TFEC: variants seen among roughly 807,000 people sequenced by gnomAD.
TFEC encodes class E basic helix-loop-helix protein 34.
In TFEC, 31 loss-of-function variants were observed where a neutral mutation model predicts 41.6. The observed-to-expected ratio is 0.74, with a 90% CI of 0.56 to 1.01. The LOEUF (loss-of-function observed/expected upper bound fraction) is 1.01. TFEC is among the 50% of genes least tolerant of loss of function. TFEC has a pLI of 0.00. For synonymous variants in TFEC, 143 were observed against 140.6 expected, an observed-to-expected ratio of 1.02 and a Z score of -0.12; for missense variants, 402 against 404.1, an observed-to-expected ratio of 0.99 and a Z score of 0.04.
At chr7:115,993,777 T>C (rs1794232089) in intron 1 of TFEC, among the ~76,000 whole-genome samples, 1 of 152,138 alleles carries the variant, frequency 6.6e-6, no homozygotes, top group Admixed American at 6.5e-5. Context: ...ATGGCCATAC[T>C]GCCCAAGGTA....
chr7:115,975,132 T>C (rs1460999921), intron 2 of TFEC, among the ~76,000 whole-genome samples: 1 of 152,112 alleles, frequency 6.6e-6, no homozygotes, highest in Non-Finnish European at 1.5e-5. Flanking sequence ...CTTTCTCAGT[T>C]CTTTTCTAAA....
chr7:116,152,485 G>A (rs1029024361), intron 1 of TFEC, among the ~76,000 whole-genome samples: 2 of 152,142 alleles, frequency 1.3e-5, no homozygotes, highest in African/African-American at 4.8e-5. Context: ...GTCTTCAAGC[G>A]GGTACTGATC....
intron 6 of TFEC, among the ~76,000 whole-genome samples, chr7:115,949,575 A>G (rs1362209500): frequency 1.3e-5 from 2 of 152,150 alleles, no homozygotes; most frequent in African/African-American, 4.8e-5. Context: ...TCTTTGACAA[A>G]CCTGAGAAAA....
At chr7:116,056,222 A>T (rs1188038908) in intron 3 of TFEC, among the ~76,000 whole-genome samples, 1 of 151,906 alleles carries the variant, frequency 6.6e-6, no homozygotes, top group East Asian at 1.9e-4. Flanking sequence ...AAGCTCGACA[A>T]TTTTCCTACT....
chr7:116,052,663 G>A (rs1339616934), intron 3 of TFEC, among the ~76,000 whole-genome samples: 2 of 151,672 alleles, frequency 1.3e-5, no homozygotes, highest in Non-Finnish European at 2.9e-5. Context: ...TCTTGATCTC[G>A]TGATCCACCC....
intron 3 of TFEC, among the ~76,000 whole-genome samples, chr7:116,057,977 C>T (rs1405317684): frequency 1.3e-5 from 2 of 151,516 alleles, no homozygotes; most frequent in Non-Finnish European, 3.0e-5. Context: ...AAAGAGTGAG[C>T]ATAGATGGAA....
At chr7:116,076,459 C>T (rs539304055) in intron 3 of TFEC, among the ~76,000 whole-genome samples, 226 of 151,848 alleles carry the variant, frequency 1.5e-3, no homozygotes, top group Non-Finnish European at 2.6e-3. Flanking sequence ...TTCAGAAAGT[C>T]GATTATTAGG....
At chr7:115,974,062 T>C (rs1026978849) in intron 3 of TFEC, 108 bp downstream of exon 3, 35 of 805,238 alleles carry the variant, frequency 4.3e-5, no homozygotes, top group Non-Finnish European at 5.6e-5. Context: ...TTTTATCTTG[T>C]CTGTTTAAAA....
rs371653061 is a variant in TFEC, at chr7:116,106,736, C to CA, written c.198+3971dup. On this transcript the variant is annotated intron_variant, in intron 3 of 8. Transcript: ENST00000484212. ...AGTACCTTCATAAAGTCACTGCAGA[C>CA]AAAAAAAATCTCAGCTTTTTGAGGC... Among the ~76,000 whole-genome samples the CA allele has an allele frequency of 1.9e-4, 29 of 151,870 alleles. 1 individual carries two copies. The highest frequency in any genetic ancestry group is 5.9e-4 in the Admixed American group (9 of 15,242).
intron 3 of TFEC, among the ~76,000 whole-genome samples, chr7:115,960,930 T>C (rs1458056219): frequency 1.3e-5 from 2 of 151,562 alleles, no homozygotes; most frequent in Non-Finnish European, 3.0e-5. Context: ...GGATAATGAG[T>C]CACTATTCCT....
At chr7:115,952,649 T>G (rs1792008185) in intron 5 of TFEC, among the ~76,000 whole-genome samples, 1 of 152,120 alleles carries the variant, frequency 6.6e-6, no homozygotes, top group Non-Finnish European at 1.5e-5. Context: ...CTAATTAGAA[T>G]GAGAAATCTG....
chr7:115,956,267 GT>G (rs1792220482), intron 4 of TFEC, among the ~76,000 whole-genome samples: 1 of 150,712 alleles, frequency 6.6e-6, no homozygotes, highest in South Asian at 2.1e-4. Flanking sequence ...TCCAATATTT[GT>G]TTTTTATCAA....
intron 1 of TFEC, among the ~76,000 whole-genome samples, chr7:116,007,095 A>G (rs1178018885): frequency 6.6e-6 from 1 of 152,208 alleles, no homozygotes; most frequent in Non-Finnish European, 1.5e-5. Context: ...ATACAATTAC[A>G]TATACAAAAT....
At chr7:116,152,037 T>TAATAC (rs987886231) in intron 1 of TFEC, among the ~76,000 whole-genome samples, 2 of 152,012 alleles carry the variant, frequency 1.3e-5, no homozygotes, top group African/African-American at 4.8e-5. Context: ...GGGTGCAGAG[T>TAATAC]AATACTCATC....
intron 3 of TFEC, among the ~76,000 whole-genome samples, chr7:116,056,904 G>A (rs555203949): frequency 5.9e-5 from 9 of 151,846 alleles, no homozygotes; most frequent in African/African-American, 2.2e-4. Flanking sequence ...GAAGAAAAAG[G>A]CACTAAAACA....
At chr7:116,006,353 G>T (rs1404985182) in intron 1 of TFEC, among the ~76,000 whole-genome samples, 1 of 152,170 alleles carries the variant, frequency 6.6e-6, no homozygotes, top group African/African-American at 2.4e-5. Context: ...GGGTGGAGCT[G>T]CCCAAGACCA....
chr7:115,994,935 C>T (rs1249968241), intron 1 of TFEC, among the ~76,000 whole-genome samples: 1 of 152,008 alleles, frequency 6.6e-6, no homozygotes, highest in Admixed American at 6.6e-5. Flanking sequence ...TAGCAAAGAC[C>T]TGGAACCAAC....
At chr7:116,001,584 T>C (rs930019387) in intron 1 of TFEC, among the ~76,000 whole-genome samples, 3 of 150,960 alleles carry the variant, frequency 2.0e-5, no homozygotes, top group African/African-American at 7.3e-5. Flanking sequence ...GACATTGGAC[T>C]GGGCAGTTAT....
intron 1 of TFEC, among the ~76,000 whole-genome samples, chr7:116,156,366 A>ATTC (rs1798870758): frequency 6.6e-6 from 1 of 152,362 alleles, no homozygotes; most frequent in African/African-American, 2.4e-5. Flanking sequence ...TGTCAAATAG[A>ATTC]TTCTAAGATA....
Sources: gnomAD v4.1 joint callset for allele counts (sites outside exome capture counted in the v4.1 genomes callset) on GRCh38, gnomAD v4.1.1 for gene constraint, MANE v1.5 for transcripts, NCBI Gene and HGNC (gene_info 2026-07-23, HGNC 2026-07-21) for gene names.